Variants in RAE1 observed in about 807,000 individuals in gnomAD.
RAE1 encodes mRNA export factor RAE1.
A neutral mutation model predicts 52.7 loss-of-function variants in RAE1; 13 were observed. The ratio of observed to expected loss-of-function variants is 0.25; its 90% CI spans 0.16 to 0.39. The LOEUF (loss-of-function observed/expected upper bound fraction) is 0.39. RAE1 is among the 10% of genes least tolerant of loss of function. The pLI is 1.00. For synonymous variants in RAE1, 164 were observed against 153.1 expected (o/e 1.07, Z -0.52); for missense variants, 262 against 459.8 (o/e 0.57, Z 3.93).
Position 57,351,319 on chromosome 20 carries a change from C to T in RAE1, c.-111C>T, listed in dbSNP as rs890712604. On this transcript the variant is annotated 5_prime_UTR_variant, in exon 1 of 12. Transcript: ENST00000395841. ...AGGAGGCTTCGGGCTCCTGGGATTT[C>T]TGTCCGCGCTCCTGGCCCTCGTCCT... 1.0e-6 allele frequency: 1 copy of T among 985,388 alleles called. No individual in the cohort carries two copies. The highest frequency in any genetic ancestry group is 1.1e-4 in the East Asian group (1 of 8,820). 61.0% of individuals were successfully genotyped at this position (985,388 alleles called of 1,614,324 possible).
chr20:57,376,682 C>G (rs2067120610), intron 11 of RAE1, among the ~76,000 whole-genome samples: 1 of 152,164 alleles, frequency 6.6e-6, no homozygotes, highest in African/African-American at 2.4e-5. Flanking sequence ...TTGGTTCTGC[C>G]TGGCTGGGGG....
intron 4 of RAE1, chr20:57,359,559 C>G (rs892804863): frequency 8.5e-5 from 13 of 152,200 alleles, no homozygotes; most frequent in African/African-American, 3.1e-4. Context: ...CTGTCTGTCT[C>G]TCTAGACTAA....
At chr20:57,373,410 C>T (rs766102944) in intron 8 of RAE1, 65 bp from the exon 9 acceptor site, 308 of 1,486,558 alleles carry the variant, frequency 2.1e-4, no homozygotes, top group Non-Finnish European at 2.8e-4. Flanking sequence ...AATGACTTAC[C>T]TTCACGTTAG....
At chr20:57,369,867 A>C (rs2067009575) in intron 8 of RAE1, among the ~76,000 whole-genome samples, 1 of 152,140 alleles carries the variant, frequency 6.6e-6, no homozygotes, top group South Asian at 2.1e-4. Context: ...CAGATCTAGA[A>C]ATCTGCCCGT....
chr20:57,368,836 A>G (rs2066994240), intron 8 of RAE1, 24 bp downstream of exon 8: 2 of 1,567,422 alleles, frequency 1.3e-6, no homozygotes, highest in Non-Finnish European at 8.8e-7. Context: ...CAAATCAAGA[A>G]GTATGTATTT....
intron 8 of RAE1, chr20:57,372,050 T>A (rs1348056884): frequency 1.3e-5 from 2 of 151,840 alleles, no homozygotes; most frequent in Non-Finnish European, 1.5e-5. Flanking sequence ...ATCAATGGGA[T>A]GAAATTTCAT....
Position 57,351,303 on chromosome 20 carries a change from C to T in RAE1, c.-127C>T, listed in dbSNP as rs2066705048. 2.0e-6 allele frequency: 2 copies of T among 985,478 alleles called. No individual in the cohort carries two copies. The highest frequency in any genetic ancestry group is 1.1e-4 in the East Asian group (1 of 8,804). 61.0% of individuals were successfully genotyped at this position (985,478 alleles called of 1,614,324 possible). A position where few individuals can be genotyped will look rare whatever the true frequency, so the allele number is the denominator to read the frequency against. The stretch of plus-strand genomic sequence containing the variant: ...TTCTACCGCAGGCTTAAGGAGGCTT[C>T]GGGCTCCTGGGATTTCTGTCCGCGC... On this transcript the variant is annotated 5_prime_UTR_variant, in exon 1 of 12. Transcript: ENST00000395841.
intron 8 of RAE1, 40 bp downstream of exon 8, chr20:57,368,852 C>G (rs200952356): frequency 1.3e-6 from 2 of 1,484,034 alleles, no homozygotes; most frequent in East Asian, 4.6e-5. Context: ...TATTTAGCAC[C>G]TGTTGTATGC....
chr20:57,358,123 G>A (rs1331566794), intron 4 of RAE1: 1 of 152,012 alleles, frequency 6.6e-6, no homozygotes, highest in Non-Finnish European at 1.5e-5. Context: ...CATAAGAGGA[G>A]AGCGATAGAG....
intron 4 of RAE1, among the ~76,000 whole-genome samples, chr20:57,361,490 C>T (rs577201079): frequency 1.8e-4 from 28 of 152,194 alleles, no homozygotes; most frequent in African/African-American, 6.3e-4. Flanking sequence ...ATGGTAAAGT[C>T]AGATTAGGAG....
chr20:57,370,936 G>A (rs543140663), intron 8 of RAE1, among the ~76,000 whole-genome samples: 2 of 152,258 alleles, frequency 1.3e-5, no homozygotes, highest in South Asian at 4.2e-4. Context: ...GTGCTTCACA[G>A]CCCATTCAAT....
At chr20:57,374,829 G>T in intron 11 of RAE1, 28 bp downstream of exon 11, 1 of 1,612,750 alleles carries the variant, frequency 6.2e-7, no homozygotes, top group Non-Finnish European at 8.5e-7. Context: ...TGCTCTGGGT[G>T]CTCCAAGGCA....
intron 7 of RAE1, among the ~76,000 whole-genome samples, chr20:57,367,541 G>A (rs1459906544): frequency 2.0e-5 from 3 of 151,940 alleles, no homozygotes; most frequent in African/African-American, 4.8e-5. Flanking sequence ...TCAGGAGTTC[G>A]AGACCACCCT....
chr20:57,360,858 C>G (rs6092466), intron 4 of RAE1, among the ~76,000 whole-genome samples: 2,794 of 152,278 alleles, frequency 0.018, 83 homozygotes, highest in African/African-American at 0.064. Flanking sequence ...GTGTTTTGAG[C>G]TGCATTTGTG....
chr20:57,373,313 T>C, intron 8 of RAE1, 162 bp from the exon 9 acceptor site: 1 of 650,386 alleles, frequency 1.5e-6, no homozygotes, highest in Non-Finnish European at 2.6e-6. Context: ...TAGATGGAGT[T>C]ACTAAGGAGT....
intron 4 of RAE1, 132 bp downstream of exon 4, chr20:57,356,670 T>C (rs773877940): frequency 1.2e-6 from 1 of 815,520 alleles, no homozygotes; most frequent in South Asian, 2.5e-5. Flanking sequence ...AACATAAATA[T>C]AGTCATTTAT....
At chr20:57,377,092 G>GTTAC (rs1303521694) in intron 11 of RAE1, among the ~76,000 whole-genome samples, 1 of 152,198 alleles carries the variant, frequency 6.6e-6, no homozygotes, top group Admixed American at 6.5e-5. Context: ...TGCTGCTTGA[G>GTTAC]TTACTGTTCA....
At position 57,358,844 on chromosome 20, in the gene RAE1, C is replaced by T. The variant is rs545001674; in HGVS notation, c.288+2306C>T. ...GGTTGTTAGGAGGTTGAATTATGCT[C>T]CGAGGTCACCCCAACCAAAATTTTT... On this transcript the variant is annotated intron_variant, in intron 4 of 11. Coordinates refer to ENST00000395841, the MANE Select transcript of RAE1 (RefSeq NM_003610.4). 53 of 590,436 alleles carry T rather than the reference C, an allele frequency of 9.0e-5. No homozygotes were observed. In the East Asian group the frequency reaches 1.6e-3, roughly 18 times the overall value. The allele number at this position is 590,436 out of a possible 1,614,324, so 36.6% of individuals were successfully genotyped here.
intron 4 of RAE1, among the ~76,000 whole-genome samples, chr20:57,362,597 G>T (rs2066905279): frequency 6.6e-6 from 1 of 152,112 alleles, no homozygotes; most frequent in Non-Finnish European, 1.5e-5. Context: ...ATGGCTATTG[G>T]AATTTATAAA....
Sources: gnomAD v4.1 joint callset for allele counts (sites outside exome capture counted in the v4.1 genomes callset) on GRCh38, gnomAD v4.1.1 for gene constraint, MANE v1.5 for transcripts, NCBI Gene and HGNC (gene_info 2026-07-23, HGNC 2026-07-21) for gene names.